Variants in EYA1 observed in about 807,000 individuals in gnomAD.
EYA1 encodes the protein protein phosphatase EYA1.
EYA1 carries 16 observed loss-of-function variants against 82.0 expected under a neutral mutation model. The ratio of observed to expected loss-of-function variants is 0.20; its 90% CI spans 0.13 to 0.30. The LOEUF (loss-of-function observed/expected upper bound fraction) is 0.30. Ranked by LOEUF, EYA1 falls within the 10% of genes least tolerant of loss-of-function variation. The pLI is 1.00. For synonymous variants in EYA1, 261 were observed against 264.4 expected (o/e 0.99, Z 0.12); for missense variants, 633 against 730.7 (o/e 0.87, Z 1.54).
At chr8:71,284,760 C>A (rs1041027092) in intron 9 of EYA1, among the ~76,000 whole-genome samples, 1 of 152,124 alleles carries the variant, frequency 6.6e-6, no homozygotes, top group Non-Finnish European at 1.5e-5. Flanking sequence ...GTCATTGAGC[C>A]CATTTAAAGT....
intron 2 of EYA1, among the ~76,000 whole-genome samples, chr8:71,464,616 C>T (rs1808643169): frequency 6.6e-6 from 1 of 152,172 alleles, no homozygotes; most frequent in Non-Finnish European, 1.5e-5. Flanking sequence ...AACTACACTA[C>T]ATTAACAATT....
At chr8:71,532,927 T>C (rs1814406816) in intron 2 of EYA1, among the ~76,000 whole-genome samples, 1 of 152,184 alleles carries the variant, frequency 6.6e-6, no homozygotes, top group African/African-American at 2.4e-5. Context: ...ATGGACACAA[T>C]GGATACAACT....
chr8:71,346,728 T>C (rs1025983), intron 3 of EYA1, among the ~76,000 whole-genome samples: 3,985 of 152,144 alleles, frequency 0.026, 168 homozygotes, highest in African/African-American at 0.09. Flanking sequence ...CAATGTTGAC[T>C]GTGGATGTTT....
intron 11 of EYA1, among the ~76,000 whole-genome samples, chr8:71,252,608 G>T (rs144631788): frequency 4.0e-4 from 61 of 152,208 alleles, no homozygotes; most frequent in African/African-American, 1.4e-3. Flanking sequence ...GGCCATCACT[G>T]GTTCTTCCAA....
intron 2 of EYA1, among the ~76,000 whole-genome samples, chr8:71,521,736 A>G (rs536945668): frequency 1.3e-5 from 2 of 152,238 alleles, no homozygotes; most frequent in African/African-American, 4.8e-5. Flanking sequence ...CCTTAAGTCA[A>G]TGGTTTCCAA....
At chr8:71,527,088 T>C (rs1324335203) in intron 2 of EYA1, among the ~76,000 whole-genome samples, 1 of 152,118 alleles carries the variant, frequency 6.6e-6, no homozygotes, top group East Asian at 1.9e-4. Flanking sequence ...AGAGCCAACA[T>C]AAAGATATAC....
intron 9 of EYA1, among the ~76,000 whole-genome samples, chr8:71,272,216 A>G (rs1033090969): frequency 1.9e-4 from 29 of 152,086 alleles, no homozygotes; most frequent in African/African-American, 6.5e-4. Flanking sequence ...CGCTTCTCTC[A>G]TTCATTCCAG....
intron 12 of EYA1, among the ~76,000 whole-genome samples, chr8:71,241,774 G>C (rs1165352188): frequency 6.6e-6 from 1 of 151,246 alleles, no homozygotes; most frequent in Non-Finnish European, 1.5e-5. Context: ...TCCCTGATGA[G>C]ATAATTCTGG....
rs1016593704 is a variant in EYA1 at position 71,420,269 on chromosome 8, T to A, written c.34-63758A>T. Among the ~76,000 whole-genome samples the A allele has an allele frequency of 2.6e-5, 4 of 152,328 alleles. No homozygotes were observed. In the East Asian group the frequency reaches 5.8e-4, roughly 22 times the overall value. On this transcript the variant is annotated intron_variant, in intron 2 of 18. Coordinates refer to the EYA1 transcript ENST00000643681. ...GGGATACTATACTGAAGAAAGTAAT[T>A]CACATGGGTGCATGCATTATTTAAT...
intron 12 of EYA1, among the ~76,000 whole-genome samples, chr8:71,218,645 C>A (rs767468443): frequency 6.6e-6 from 1 of 152,102 alleles, no homozygotes; most frequent in Non-Finnish European, 1.5e-5. Context: ...AAAAACAGGT[C>A]ATTCTTGGAA....
chr8:71,386,117 G>C (rs1307434143), intron 2 of EYA1, among the ~76,000 whole-genome samples: 1 of 152,076 alleles, frequency 6.6e-6, no homozygotes, highest in Non-Finnish European at 1.5e-5. Flanking sequence ...TTCTCTATTA[G>C]GTTAAATTAT....
intron 11 of EYA1, among the ~76,000 whole-genome samples, chr8:71,252,338 C>T (rs1813847823): frequency 6.6e-6 from 1 of 151,864 alleles, no homozygotes; most frequent in Non-Finnish European, 1.5e-5. Context: ...ATTGTGCCTA[C>T]TAAAAAGTAA....
At chr8:71,369,178 G>C (rs1204583692) in intron 2 of EYA1, among the ~76,000 whole-genome samples, 1 of 148,116 alleles carries the variant, frequency 6.8e-6, no homozygotes, top group Non-Finnish European at 1.5e-5. Context: ...TCTCCAGCCT[G>C]GGCAACAGAG....
Position 71,462,787 on chromosome 8 carries a change from G to A in EYA1, c.33+72957C>T, listed in dbSNP as rs919468349. 2.8e-4 allele frequency among the ~76,000 whole-genome samples: 43 copies of A among 152,288 alleles called. 1 individual carries two copies. The highest frequency in any genetic ancestry group is 1.3e-4 in the Non-Finnish European group (9 of 68,016). On this transcript the variant is annotated intron_variant, in intron 2 of 18. Coordinates refer to the EYA1 transcript ENST00000643681. ...GGTCCTGCCCAGGCATGTGAAAGTG[G>A]GGGTGGTGCAGTCAGCTGCCTCAGG...
rs550054077 is a variant in EYA1, at chr8:71,267,611, C to T, written c.1050+2129G>A. Among the ~76,000 whole-genome samples the T allele has an allele frequency of 2.3e-4, 35 of 152,254 alleles. 1 individual carries two copies. In the East Asian group the frequency reaches 5.0e-3, roughly 22 times the overall value. ...TTGCCCAGGCTGGAGCACAGTGGCG[C>T]GATCTCTGCTCACTGCAAGCTCCGC... is the stretch of plus-strand genomic sequence containing the variant. On this transcript the variant is annotated intron_variant, in intron 11 of 17. Transcript: ENST00000340726.
At chr8:71,309,506 C>T (rs1365161495) in intron 7 of EYA1, among the ~76,000 whole-genome samples, 1 of 152,168 alleles carries the variant, frequency 6.6e-6, no homozygotes, top group Non-Finnish European at 1.5e-5. Context: ...TCAGAAAGTA[C>T]AAATCTCAAA....
chr8:71,451,258 C>T lies in EYA1; in HGVS notation c.33+84486G>A, dbSNP rs562636855. On this transcript the variant is annotated intron_variant, in intron 2 of 18. Coordinates refer to the EYA1 transcript ENST00000643681. ...CCTAATGTACACATGTTCATCATCA[C>T]AGCAATAAGTATAGAAAAACAAATA... 9.2e-5 allele frequency among the ~76,000 whole-genome samples: 14 copies of T among 152,186 alleles called. No homozygotes were observed. The South Asian group carries it at 2.9e-3, about 32-fold the overall frequency.
intron 2 of EYA1, among the ~76,000 whole-genome samples, chr8:71,429,596 T>C (rs1805482798): frequency 6.6e-6 from 1 of 152,110 alleles, no homozygotes; most frequent in East Asian, 1.9e-4. Context: ...ATTGTTCAAA[T>C]GTTACAGATA....
chr8:71,206,703 T>C (rs1807822575), intron 17 of EYA1, among the ~76,000 whole-genome samples: 1 of 151,940 alleles, frequency 6.6e-6, no homozygotes, highest in Non-Finnish European at 1.5e-5. Context: ...ATGAGAAAAA[T>C]GGATGGGAAG....
Sources: gnomAD v4.1 joint callset for allele counts (sites outside exome capture counted in the v4.1 genomes callset) on GRCh38, gnomAD v4.1.1 for gene constraint, MANE v1.5 for transcripts, NCBI Gene and HGNC (gene_info 2026-07-23, HGNC 2026-07-21) for gene names.